LRRTM4: variants seen among roughly 807,000 people sequenced by gnomAD.
The protein encoded by LRRTM4 is leucine rich repeat transmembrane neuronal 4.
LRRTM4 carries 25 observed loss-of-function variants against 47.6 expected under a neutral mutation model. The observed-to-expected ratio is 0.53, with a 90% CI of 0.38 to 0.73. The LOEUF (loss-of-function observed/expected upper bound fraction) is 0.73, where lower values mean the gene tolerates loss of function less well. Among genes scored for constraint, LRRTM4 ranks in the 30% least tolerant of loss-of-function variants. The pLI, the probability that LRRTM4 is intolerant of heterozygous loss-of-function variation, is 0.00. For missense variants in LRRTM4, 638 were observed against 713.4 expected (o/e 0.89, Z 1.20); for synonymous variants, 311 against 269.5 (o/e 1.15, Z -1.51).
intron 3 of LRRTM4, among the ~76,000 whole-genome samples, chr2:76,953,764 T>A (rs1192956743): frequency 6.6e-6 from 1 of 151,940 alleles, no homozygotes; most frequent in Admixed American, 6.6e-5. Context: ...GAGTAGAATG[T>A]GCATCTGATA....
At chr2:77,202,409 G>C (rs1238005481) in intron 3 of LRRTM4, among the ~76,000 whole-genome samples, 1 of 151,974 alleles carries the variant, frequency 6.6e-6, no homozygotes, top group Admixed American at 6.6e-5. Context: ...ATTATTATTA[G>C]AAGTAGCAGC....
intron 3 of LRRTM4, among the ~76,000 whole-genome samples, chr2:77,393,093 C>T (rs906952769): frequency 2.0e-5 from 3 of 151,944 alleles, no homozygotes; most frequent in African/African-American, 4.8e-5. Context: ...TTTGCTATTA[C>T]AGCTTTTCGT....
At chr2:76,749,637 T>C (rs1558631017) in intron 3 of LRRTM4, among the ~76,000 whole-genome samples, 1 of 152,190 alleles carries the variant, frequency 6.6e-6, no homozygotes, top group Non-Finnish European at 1.5e-5. Context: ...AATATGTGTC[T>C]AATGTTAGCG....
chr2:77,057,861 A>G (rs1679660229), intron 3 of LRRTM4, among the ~76,000 whole-genome samples: 1 of 152,202 alleles, frequency 6.6e-6, no homozygotes, highest in Admixed American at 6.5e-5. Context: ...AATAAGATTC[A>G]TCATAACCCA....
intron 3 of LRRTM4, among the ~76,000 whole-genome samples, chr2:77,283,360 C>T (rs1324598345): frequency 6.6e-6 from 1 of 151,954 alleles, no homozygotes; most frequent in Non-Finnish European, 1.5e-5. Flanking sequence ...AAAGAAAACA[C>T]TTATATACTG....
intron 3 of LRRTM4, among the ~76,000 whole-genome samples, chr2:77,126,296 T>C (rs1671651131): frequency 6.6e-6 from 1 of 152,168 alleles, no homozygotes; most frequent in Non-Finnish European, 1.5e-5. Flanking sequence ...GAGAAAGTTA[T>C]ACATTTATAT....
intron 3 of LRRTM4, among the ~76,000 whole-genome samples, chr2:77,480,831 GA>G (rs1677666798): frequency 1.8e-4 from 10 of 54,816 alleles, no homozygotes; most frequent in Admixed American, 1.1e-3. Flanking sequence ...TGGAGAGAGA[GA>G]GAGAGAGAGA....
intron 3 of LRRTM4, among the ~76,000 whole-genome samples, chr2:77,291,135 T>A (rs953315127): frequency 1.6e-5 from 2 of 121,578 alleles, no homozygotes; most frequent in Non-Finnish European, 3.1e-5. Context: ...AAAAACTGTT[T>A]GAGATTTTTA....
At position 77,446,658 on chromosome 2, in the gene LRRTM4, T is replaced by C. The variant is rs79246660; in HGVS notation, c.1551+71660A>G. Among the ~76,000 whole-genome samples the C allele has an allele frequency of 2.4e-3, 368 of 152,136 alleles. 2 individuals carry two copies. The highest frequency in any genetic ancestry group is 8.4e-3 in the African/African-American group (350 of 41,532). On this transcript the variant is annotated intron_variant, in intron 3 of 3. Transcript: ENST00000409884. ...GCCACACTGTCTTCCTCTCATTTTA[T>C]TGATGTAAACAAGAGTCAGAGCTTG...
chr2:77,507,418 A>G (rs900988816), intron 3 of LRRTM4, among the ~76,000 whole-genome samples: 2 of 152,124 alleles, frequency 1.3e-5, no homozygotes, highest in South Asian at 2.1e-4. Flanking sequence ...TACACATTCC[A>G]AAGGAAGATG....
intron 3 of LRRTM4, among the ~76,000 whole-genome samples, chr2:76,794,460 A>G (rs1161464087): frequency 6.6e-6 from 1 of 152,174 alleles, no homozygotes; most frequent in Non-Finnish European, 1.5e-5. Context: ...TGTGAACAAT[A>G]GTTTTTTCTT....
At chr2:76,824,210 A>G (rs150362283) in intron 3 of LRRTM4, among the ~76,000 whole-genome samples, 106 of 151,738 alleles carry the variant, frequency 7.0e-4, no homozygotes, top group African/African-American at 2.3e-3. Flanking sequence ...AATATCTCCA[A>G]TGGAAAGCGT....
At position 76,806,266 on chromosome 2, in the gene LRRTM4, A is replaced by G. The variant is rs910808168; in HGVS notation, c.1552-57350T>C. Among the ~76,000 whole-genome samples the G allele has an allele frequency of 7.2e-5, 11 of 152,294 alleles. No homozygotes were observed. The South Asian group carries it at 1.0e-3, about 14-fold the overall frequency. On this transcript the variant is annotated intron_variant, in intron 3 of 3. Transcript: ENST00000409884. ...AAAATTAGAAGATGTCATTTTGAAC[A>G]TCTTAAACCAGATGCATATATGAAA... is the stretch of plus-strand genomic sequence containing the variant.
At chr2:77,223,388 G>C (rs1474264546) in intron 3 of LRRTM4, among the ~76,000 whole-genome samples, 1 of 152,120 alleles carries the variant, frequency 6.6e-6, no homozygotes, top group African/African-American at 2.4e-5. Context: ...GAAATAAAAG[G>C]CATTCAATTA....
chr2:77,338,350 G>A (rs1227337081), intron 3 of LRRTM4, among the ~76,000 whole-genome samples: 3 of 151,820 alleles, frequency 2.0e-5, no homozygotes, highest in East Asian at 1.9e-4. Flanking sequence ...TCCAATGAAG[G>A]ACTAATGCTC....
chr2:77,413,227 C>T (rs978483684), intron 3 of LRRTM4, among the ~76,000 whole-genome samples: 1 of 152,100 alleles, frequency 6.6e-6, no homozygotes, highest in Non-Finnish European at 1.5e-5. Context: ...TGAACTAAAA[C>T]GAAATTTGTT....
chr2:76,838,559 G>C (rs1251144390), intron 3 of LRRTM4, among the ~76,000 whole-genome samples: 1 of 151,960 alleles, frequency 6.6e-6, no homozygotes, highest in Non-Finnish European at 1.5e-5. Flanking sequence ...TTCATTTTCT[G>C]TTCCCCCATC....
At chr2:76,812,713 T>TTTCTTTC in intron 3 of LRRTM4, among the ~76,000 whole-genome samples, 1 of 142,318 alleles carries the variant, frequency 7.0e-6, no homozygotes, top group South Asian at 2.2e-4. Context: ...TCTTTATTTC[T>TTTCTTTC]TTTTCTTTCT....
chr2:77,066,865 T>C (rs187074881), intron 3 of LRRTM4, among the ~76,000 whole-genome samples: 2 of 152,358 alleles, frequency 1.3e-5, no homozygotes, highest in East Asian at 1.9e-4. Context: ...TCTGGTAATG[T>C]TGTGCATGTA....
Sources: allele counts gnomAD v4.1 joint callset (sites outside exome capture counted in the v4.1 genomes callset), GRCh38; gene constraint gnomAD v4.1.1; transcripts MANE v1.5; gene names NCBI Gene and HGNC (gene_info 2026-07-23, HGNC 2026-07-21).